ARHGAP10: variants seen among roughly 807,000 people sequenced by gnomAD.
The protein encoded by ARHGAP10 is rho GTPase-activating protein 10.
ARHGAP10 carries 87 observed loss-of-function variants against 108.6 expected under a neutral mutation model. The ratio of observed to expected loss-of-function variants is 0.80; its 90% CI spans 0.67 to 0.96. The LOEUF (loss-of-function observed/expected upper bound fraction) is 0.96, where lower values mean the gene tolerates loss of function less well. Ranked by LOEUF, ARHGAP10 falls within the 40% of genes least tolerant of loss-of-function variation. The probability of loss-of-function intolerance (pLI) is 0.00; values close to 1 mark genes in which losing one functional copy is unlikely to be tolerated. For missense variants in ARHGAP10, 939 were observed against 954.5 expected (o/e 0.98, Z 0.21); for synonymous variants, 347 against 341.1 (o/e 1.02, Z -0.19).
At chr4:148,012,924 GTT>G (rs560854784) in intron 18 of ARHGAP10, among the ~76,000 whole-genome samples, 3 of 138,930 alleles carry the variant, frequency 2.2e-5, no homozygotes, top group Admixed American at 7.2e-5. Flanking sequence ...TATCTGTCTG[GTT>G]TTTTTTTTTT....
chr4:148,056,230 C>G (rs1729358858), intron 20 of ARHGAP10, among the ~76,000 whole-genome samples: 1 of 152,182 alleles, frequency 6.6e-6, no homozygotes. Context: ...TTTCTTAAAA[C>G]CCAGCTTTAG....
chr4:147,970,927 A>G (rs111696530), intron 18 of ARHGAP10, among the ~76,000 whole-genome samples: 3,055 of 152,032 alleles, frequency 0.02, 106 homozygotes, highest in African/African-American at 0.07. Context: ...ATCTCTACTT[A>G]AAAGAAAGTA....
chr4:147,777,648 A>G (rs1379962611), intron 1 of ARHGAP10, among the ~76,000 whole-genome samples: 4 of 152,180 alleles, frequency 2.6e-5, no homozygotes, highest in Non-Finnish European at 5.9e-5. Context: ...TTAACACTGG[A>G]TCACACTGAC....
At chr4:147,908,975 G>T (rs1736619417) in intron 11 of ARHGAP10, among the ~76,000 whole-genome samples, 1 of 152,058 alleles carries the variant, frequency 6.6e-6, no homozygotes, top group Non-Finnish European at 1.5e-5. Context: ...CGCACTATCT[G>T]CCTGAAGTTA....
intron 16 of ARHGAP10, among the ~76,000 whole-genome samples, chr4:147,964,376 C>T (rs547920393): frequency 3.9e-5 from 6 of 152,310 alleles, no homozygotes; most frequent in South Asian, 2.1e-4. Context: ...CCGCATTCCC[C>T]GTTCTTCCTC....
rs201312262 is a variant in ARHGAP10, at chr4:147,744,802, AGT to A, written c.154+12352_154+12353del. Among the ~76,000 whole-genome samples, 495 of 152,144 alleles carry A rather than the reference AGT, an allele frequency of 3.3e-3. 11 individuals carry two copies. The highest frequency in any genetic ancestry group is 0.029 in the Admixed American group (439 of 15,288). On this transcript the variant is annotated intron_variant, in intron 1 of 22. Transcript: ENST00000336498. ...GTAGTAGCCAGGAGACATGTTCAAT[AGT>A]GTGTTTCTTTTATGGGTGTGTATTT...
intron 7 of ARHGAP10, among the ~76,000 whole-genome samples, chr4:147,873,782 A>AGAGGAT (rs1408617194): frequency 6.8e-6 from 1 of 147,010 alleles, no homozygotes; most frequent in African/African-American, 2.5e-5. Flanking sequence ...GGCTGAGGTG[A>AGAGGAT]GAGGATGACT....
chr4:148,036,066 C>CTGTGTGTGTGTGTG (rs61692055), intron 19 of ARHGAP10, among the ~76,000 whole-genome samples: 13 of 142,762 alleles, frequency 9.1e-5, no homozygotes, highest in African/African-American at 3.4e-4. Context: ...GGAGCTGCCT[C>CTGTGTGTGTGTGTG]TGTGTGTGTG....
At position 147,934,544 on chromosome 4, in the gene ARHGAP10, A is replaced by C. The variant is rs145423688; in HGVS notation, c.1229-5281A>C. On this transcript the variant is annotated intron_variant, in intron 13 of 22. Coordinates refer to ENST00000336498, the MANE Select transcript of ARHGAP10 (RefSeq NM_024605.4). ...TGACTAAGATTGTGGACTTGTTTTA[A>C]GATGTACCCTGGTGGGTGCAGTGGC... is the stretch of plus-strand genomic sequence containing the variant. Among the ~76,000 whole-genome samples the C allele has an allele frequency of 2.0e-5, 3 of 152,308 alleles. No homozygotes were observed. The East Asian group carries it at 5.8e-4, about 29-fold the overall frequency.
At chr4:147,769,742 C>A (rs1310988114) in intron 1 of ARHGAP10, among the ~76,000 whole-genome samples, 1 of 152,092 alleles carries the variant, frequency 6.6e-6, no homozygotes, top group Non-Finnish European at 1.5e-5. Flanking sequence ...TTATAATGAC[C>A]CGTTTCCTGA....
At chr4:147,762,980 A>C (rs1729652330) in intron 1 of ARHGAP10, among the ~76,000 whole-genome samples, 1 of 152,178 alleles carries the variant, frequency 6.6e-6, no homozygotes, top group Non-Finnish European at 1.5e-5. Flanking sequence ...TTAAGGAGAC[A>C]GGACATAAAC....
chr4:148,040,820 G>GC (rs1473054906), intron 19 of ARHGAP10, among the ~76,000 whole-genome samples: 1 of 151,820 alleles, frequency 6.6e-6, no homozygotes, highest in African/African-American at 2.4e-5. Flanking sequence ...GATTTGGGGG[G>GC]GGTTATTTGG....
intron 17 of ARHGAP10, 114 bp downstream of exon 17, chr4:147,965,243 C>T (rs1164476545): frequency 1.7e-5 from 11 of 641,880 alleles, no homozygotes; most frequent in Admixed American, 6.8e-5. Flanking sequence ...GCAGGCTGAA[C>T]GTTTGACTCA....
chr4:148,027,922 G>A (rs1256795016), intron 19 of ARHGAP10, among the ~76,000 whole-genome samples: 2 of 151,982 alleles, frequency 1.3e-5, no homozygotes, highest in African/African-American at 4.8e-5. Flanking sequence ...CCATTTATTA[G>A]TGGTTTTTAT....
At chr4:147,983,654 T>C (rs1185736538) in intron 18 of ARHGAP10, among the ~76,000 whole-genome samples, 2 of 152,248 alleles carry the variant, frequency 1.3e-5, no homozygotes, top group Non-Finnish European at 2.9e-5. Flanking sequence ...CTAGAAGTTC[T>C]GTTTTGTTCC....
chr4:148,049,386 C>T (rs34580209), intron 20 of ARHGAP10, among the ~76,000 whole-genome samples: 34,482 of 152,114 alleles, frequency 0.23, 4,538 homozygotes, highest in African/African-American at 0.36. Flanking sequence ...CTCTGAGGAG[C>T]GTAATTAGGA....
chr4:147,913,177 A>C, intron 13 of ARHGAP10, 38 bp downstream of exon 13: 1 of 1,571,228 alleles, frequency 6.4e-7, no homozygotes, highest in Non-Finnish European at 8.8e-7. Context: ...GAGAGGCTAT[A>C]GGTATGTAAA....
intron 10 of ARHGAP10, among the ~76,000 whole-genome samples, chr4:147,891,882 C>T (rs1012495290): frequency 4.6e-5 from 7 of 152,048 alleles, no homozygotes; most frequent in Non-Finnish European, 7.4e-5. Flanking sequence ...ACCCTTCCCC[C>T]GCCCCAACAA....
intron 16 of ARHGAP10, among the ~76,000 whole-genome samples, chr4:147,958,257 G>A (rs1738862870): frequency 6.6e-6 from 1 of 152,154 alleles, no homozygotes; most frequent in South Asian, 2.1e-4. Flanking sequence ...CATGCCTCAG[G>A]GTTGGAGTCA....
Sources: gnomAD v4.1 joint callset for allele counts (sites outside exome capture counted in the v4.1 genomes callset) on GRCh38, gnomAD v4.1.1 for gene constraint, MANE v1.5 for transcripts, NCBI Gene and HGNC (gene_info 2026-07-23, HGNC 2026-07-21) for gene names.